GRXCR1: variants seen among roughly 807,000 people sequenced by gnomAD.
GRXCR1 encodes glutaredoxin domain-containing cysteine-rich protein 1.
In GRXCR1, 27 loss-of-function variants were observed where a neutral mutation model predicts 27.3. That is an observed-to-expected ratio of 0.99 (90% CI 0.73 to 1.37). The LOEUF (loss-of-function observed/expected upper bound fraction) is 1.37, where lower values mean the gene tolerates loss of function less well. Among genes scored for constraint, GRXCR1 ranks in the 40% most tolerant of loss-of-function variants. GRXCR1 has a pLI of 0.00. For synonymous variants in GRXCR1, 122 were observed against 131.1 expected, an observed-to-expected ratio of 0.93 and a Z score of 0.47; for missense variants, 379 against 354.4, an observed-to-expected ratio of 1.07 and a Z score of -0.56.
intron 1 of GRXCR1, among the ~76,000 whole-genome samples, chr4:42,901,608 A>T (rs1336797136): frequency 6.6e-6 from 1 of 152,202 alleles, no homozygotes; most frequent in Non-Finnish European, 1.5e-5. Flanking sequence ...CATGTCTGCA[A>T]AGTGCCTTTT....
intron 2 of GRXCR1, among the ~76,000 whole-genome samples, chr4:43,015,123 G>A (rs1712891974): frequency 6.6e-6 from 1 of 152,288 alleles, no homozygotes; most frequent in African/African-American, 2.4e-5. Context: ...AAAATCTCAT[G>A]CAAGGACCTA....
At chr4:42,932,240 T>G (rs891961969) in intron 1 of GRXCR1, among the ~76,000 whole-genome samples, 1 of 151,788 alleles carries the variant, frequency 6.6e-6, no homozygotes, top group South Asian at 2.1e-4. Context: ...CTCCTCTTGA[T>G]GTATGCATTA....
At chr4:42,935,474 C>A (rs71610033) in intron 1 of GRXCR1, among the ~76,000 whole-genome samples, 1 of 151,602 alleles carries the variant, frequency 6.6e-6, no homozygotes, top group African/African-American at 2.4e-5. Flanking sequence ...TTTTGTGCAA[C>A]AGATGTGGTT....
chr4:42,895,986 T>C (rs1412019990), intron 1 of GRXCR1, among the ~76,000 whole-genome samples: 2 of 152,092 alleles, frequency 1.3e-5, no homozygotes, highest in Non-Finnish European at 2.9e-5. Flanking sequence ...TCTTGGATAT[T>C]TGATTAAGGT....
intron 1 of GRXCR1, among the ~76,000 whole-genome samples, chr4:42,953,223 T>C (rs1460766102): frequency 6.6e-6 from 1 of 152,140 alleles, no homozygotes; most frequent in Non-Finnish European, 1.5e-5. Context: ...TTGCCATTCC[T>C]CTATCAAGAA....
At chr4:43,017,829 T>C (rs888276041) in intron 2 of GRXCR1, among the ~76,000 whole-genome samples, 1 of 152,228 alleles carries the variant, frequency 6.6e-6, no homozygotes, top group East Asian at 1.9e-4. Context: ...CTCTCTTTTG[T>C]GGACACAGAG....
intron 3 of GRXCR1, among the ~76,000 whole-genome samples, chr4:43,029,516 A>G (rs1713356242): frequency 6.6e-6 from 1 of 152,196 alleles, no homozygotes; most frequent in Admixed American, 6.5e-5. Context: ...GATGGATGCC[A>G]CTAGAGGACA....
At chr4:42,906,465 C>T (rs919829678) in intron 1 of GRXCR1, among the ~76,000 whole-genome samples, 2 of 152,134 alleles carry the variant, frequency 1.3e-5, no homozygotes, top group Non-Finnish European at 2.9e-5. Context: ...TCCCACAGCT[C>T]TTTCCTTTAC....
At chr4:42,959,232 G>A (rs902717769) in intron 1 of GRXCR1, among the ~76,000 whole-genome samples, 1 of 151,862 alleles carries the variant, frequency 6.6e-6, no homozygotes, top group African/African-American at 2.4e-5. Flanking sequence ...CAATGAATAC[G>A]ATTCAGCCTT....
intron 2 of GRXCR1, among the ~76,000 whole-genome samples, chr4:42,970,089 C>T (rs969357036): frequency 2.0e-5 from 3 of 152,172 alleles, no homozygotes; most frequent in African/African-American, 7.2e-5. Context: ...TCTCCTGTGA[C>T]TCCATGTCTC....
chr4:42,967,138 T>A (rs193269605), intron 2 of GRXCR1, among the ~76,000 whole-genome samples: 151 of 152,224 alleles, frequency 9.9e-4, no homozygotes, highest in African/African-American at 3.5e-3. Flanking sequence ...CCCTAGATCA[T>A]CTAGATTTGC....
intron 2 of GRXCR1, among the ~76,000 whole-genome samples, chr4:42,977,940 T>A (rs142688210): frequency 0.01 from 1,579 of 152,204 alleles, 28 homozygotes; most frequent in Non-Finnish European, 0.017. Flanking sequence ...TTTTGTGTCC[T>A]ATGTTTAGGT....
At chr4:42,987,891 A>C (rs905498784) in intron 2 of GRXCR1, among the ~76,000 whole-genome samples, 1 of 152,190 alleles carries the variant, frequency 6.6e-6, no homozygotes, top group Non-Finnish European at 1.5e-5. Context: ...CTCAAAGCAG[A>C]TTGTAACCAA....
chr4:42,948,043 TGTC>T (rs1476294061), intron 1 of GRXCR1, among the ~76,000 whole-genome samples: 1 of 152,212 alleles, frequency 6.6e-6, no homozygotes, highest in Non-Finnish European at 1.5e-5. Flanking sequence ...TTTGAAATCT[TGTC>T]GTTATTTGTT....
At chr4:42,968,363 C>A (rs1178449770) in intron 2 of GRXCR1, among the ~76,000 whole-genome samples, 1 of 152,094 alleles carries the variant, frequency 6.6e-6, no homozygotes, top group Non-Finnish European at 1.5e-5. Flanking sequence ...AATTGGTCTA[C>A]TTTCTGGCAA....
intron 1 of GRXCR1, among the ~76,000 whole-genome samples, chr4:42,909,086 C>T (rs1050225357): frequency 6.6e-6 from 1 of 152,166 alleles, no homozygotes; most frequent in Non-Finnish European, 1.5e-5. Flanking sequence ...AGGAGAATCA[C>T]AACTGCTTGT....
chr4:42,930,418 C>T (rs978067070), intron 1 of GRXCR1, among the ~76,000 whole-genome samples: 34 of 151,820 alleles, frequency 2.2e-4, no homozygotes, highest in African/African-American at 7.7e-4. Flanking sequence ...TTTGAATATC[C>T]AGATGTTTAT....
chr4:42,906,246 T>G (rs1156977659), intron 1 of GRXCR1, among the ~76,000 whole-genome samples: 1 of 152,188 alleles, frequency 6.6e-6, no homozygotes, highest in Non-Finnish European at 1.5e-5. Context: ...CCTATCATTA[T>G]CTCTAGTAGT....
intron 2 of GRXCR1, among the ~76,000 whole-genome samples, chr4:42,968,773 GT>G (rs957611731): frequency 5.3e-5 from 8 of 151,326 alleles, no homozygotes; most frequent in South Asian, 2.1e-4. Context: ...TTTTCAAAGA[GT>G]TTTTTTTTAT....
Sources: allele counts gnomAD v4.1 joint callset (sites outside exome capture counted in the v4.1 genomes callset), GRCh38; gene constraint gnomAD v4.1.1; transcripts MANE v1.5; gene names NCBI Gene and HGNC (gene_info 2026-07-23, HGNC 2026-07-21).